Variants in GPR39 observed in about 807,000 individuals in gnomAD.
GPR39 encodes the protein zinc sensing receptor.
A neutral mutation model predicts 18.4 loss-of-function variants in GPR39; 23 were observed. The ratio of observed to expected loss-of-function variants is 1.25; its 90% confidence interval spans 0.90 to 1.77. The LOEUF (loss-of-function observed/expected upper bound fraction) is 1.77, where lower values mean the gene tolerates loss of function less well. GPR39 is among the 40% of genes most tolerant of loss of function. The pLI, the probability that GPR39 is intolerant of heterozygous loss-of-function variation, is 0.00. For synonymous variants in GPR39, 280 were observed against 257.9 expected (o/e 1.09, Z -0.82); for missense variants, 647 against 602.4 (o/e 1.07, Z -0.78).
chr2:132,420,280 A>G (rs957537160), intron 1 of GPR39, among the ~76,000 whole-genome samples: 2 of 152,206 alleles, frequency 1.3e-5, no homozygotes, highest in African/African-American at 2.4e-5. Context: ...AGTTCTCGCA[A>G]ATGTCCTCCT....
At chr2:132,506,733 A>G (rs1679141559) in intron 1 of GPR39, among the ~76,000 whole-genome samples, 2 of 151,992 alleles carry the variant, frequency 1.3e-5, no homozygotes, top group Non-Finnish European at 2.9e-5. Context: ...TTATCTAATT[A>G]CCTCCCACCA....
At chr2:132,534,231 T>C in intron 1 of GPR39, among the ~76,000 whole-genome samples, 1 of 151,942 alleles carries the variant, frequency 6.6e-6, no homozygotes, top group South Asian at 2.1e-4. Context: ...AAAAAACACA[T>C]GAAAAAATGT....
chr2:132,492,822 ATATAC>A (rs1445465398), intron 1 of GPR39, among the ~76,000 whole-genome samples: 708 of 142,332 alleles, frequency 5.0e-3, no homozygotes, highest in African/African-American at 0.011. Context: ...CATACCATAT[ATATAC>A]CATATACACA....
intron 1 of GPR39, among the ~76,000 whole-genome samples, chr2:132,583,280 T>C (rs948734689): frequency 2.6e-5 from 4 of 151,836 alleles, no homozygotes; most frequent in South Asian, 2.1e-4. Flanking sequence ...TACTGTAAAA[T>C]ATATCCCTTA....
chr2:132,516,111 C>T (rs770466389), intron 1 of GPR39, among the ~76,000 whole-genome samples: 4 of 152,096 alleles, frequency 2.6e-5, no homozygotes, highest in Non-Finnish European at 4.4e-5. Context: ...CTGGCAAGCC[C>T]GTGAAGGCTG....
At chr2:132,627,566 C>T (rs956119452) in intron 1 of GPR39, among the ~76,000 whole-genome samples, 2 of 152,106 alleles carry the variant, frequency 1.3e-5, no homozygotes, top group Non-Finnish European at 2.9e-5. Flanking sequence ...ATTTTGCAAT[C>T]AATGAAAATG....
chr2:132,496,094 C>G (rs1432447774), intron 1 of GPR39, among the ~76,000 whole-genome samples: 1 of 152,188 alleles, frequency 6.6e-6, no homozygotes, highest in Non-Finnish European at 1.5e-5. Flanking sequence ...GGAAACCAGT[C>G]TCCCTTCCAG....
intron 1 of GPR39, among the ~76,000 whole-genome samples, chr2:132,431,701 T>C (rs1320532487): frequency 6.6e-6 from 1 of 152,118 alleles, no homozygotes; most frequent in Non-Finnish European, 1.5e-5. Flanking sequence ...GCATTGAGAA[T>C]ATGTGGAGGG....
In GPR39 at chr2:132,628,642, T is replaced by C. The variant is rs912879489; in HGVS notation, c.857-16459T>C. On this transcript the variant is annotated intron_variant, in intron 1 of 1. Coordinates refer to ENST00000329321, the MANE Select transcript of GPR39 (RefSeq NM_001508.3). ...TTAAGTTTGTAATCATTTTTCTAAG[T>C]ACCATTACCCTAGAAAACCATTTTC... Among the ~76,000 whole-genome samples, 42 of 152,322 alleles carry C rather than the reference T, an allele frequency of 2.8e-4. 1 individual carries two copies. Among genetic ancestry groups the C allele is most frequent in the Admixed American group, 2.5e-3 (38 of 15,306 alleles).
Position 132,531,221 on chromosome 2 carries a change from A to G in GPR39, c.856+113323A>G, listed in dbSNP as rs1679622852. On this transcript the variant is annotated intron_variant, in intron 1 of 1. Coordinates refer to ENST00000329321, the MANE Select transcript of GPR39 (RefSeq NM_001508.3). ...TTGCAATCCTAGTCTCAGATAAAACAGACTTTAAACCAACAAAGATCAAAA... is the reference window on the plus strand; with the variant it reads ...TTGCAATCCTAGTCTCAGATAAAACGGACTTTAAACCAACAAAGATCAAAA... 2.0e-5 allele frequency among the ~76,000 whole-genome samples: 3 copies of G among 152,348 alleles called. No homozygotes were observed. In the South Asian group the frequency reaches 6.2e-4, roughly 32 times the overall value.
chr2:132,449,944 A>C (rs1286498191), intron 1 of GPR39, among the ~76,000 whole-genome samples: 2 of 152,132 alleles, frequency 1.3e-5, no homozygotes, highest in East Asian at 3.9e-4. Context: ...AGGCCCTTCA[A>C]AATCTTTTGG....
intron 1 of GPR39, among the ~76,000 whole-genome samples, chr2:132,428,374 C>CA (rs1306602554): frequency 6.6e-6 from 1 of 152,198 alleles, no homozygotes. Flanking sequence ...ATTGGGACAT[C>CA]AAAGTATAAG....
At chr2:132,637,920 G>A (rs1016264405) in intron 1 of GPR39, among the ~76,000 whole-genome samples, 1 of 152,210 alleles carries the variant, frequency 6.6e-6, no homozygotes, top group African/African-American at 2.4e-5. Flanking sequence ...TAAATAATGG[G>A]AAGGGAGAGG....
intron 1 of GPR39, among the ~76,000 whole-genome samples, chr2:132,513,163 A>G (rs1679269953): frequency 6.6e-6 from 1 of 152,176 alleles, no homozygotes; most frequent in African/African-American, 2.4e-5. Context: ...AGGAGTGACC[A>G]TTCCAAAAGT....
chr2:132,420,082 TTGC>T (rs1340852498), intron 1 of GPR39, among the ~76,000 whole-genome samples: 1 of 152,236 alleles, frequency 6.6e-6, no homozygotes, highest in African/African-American at 2.4e-5. Context: ...GAGTTTGTTC[TTGC>T]TGCTGCTCTC....
At chr2:132,533,729 A>AAAGC (rs1679687592) in intron 1 of GPR39, among the ~76,000 whole-genome samples, 1 of 149,634 alleles carries the variant, frequency 6.7e-6, no homozygotes, top group Non-Finnish European at 1.5e-5. Flanking sequence ...AAACCTGAGA[A>AAAGC]AAGCAATGGG....
chr2:132,570,359 C>G (rs1172523906), intron 1 of GPR39, among the ~76,000 whole-genome samples: 1 of 152,124 alleles, frequency 6.6e-6, no homozygotes, highest in Non-Finnish European at 1.5e-5. Context: ...TCACATCCCC[C>G]TCCAGCCGCA....
chr2:132,491,082 G>C (rs951919587), intron 1 of GPR39, among the ~76,000 whole-genome samples: 1 of 152,056 alleles, frequency 6.6e-6, no homozygotes, highest in Non-Finnish European at 1.5e-5. Flanking sequence ...TTTTCTCACT[G>C]AACTGAGCAC....
At chr2:132,625,598 T>C (rs1681528568) in intron 1 of GPR39, among the ~76,000 whole-genome samples, 1 of 152,196 alleles carries the variant, frequency 6.6e-6, no homozygotes, top group Non-Finnish European at 1.5e-5. Context: ...GGAAATGCCA[T>C]GTTTTCAGTA....
Sources: gnomAD v4.1 joint callset for allele counts (sites outside exome capture counted in the v4.1 genomes callset) on GRCh38, gnomAD v4.1.1 for gene constraint, MANE v1.5 for transcripts, NCBI Gene and HGNC (gene_info 2026-07-23, HGNC 2026-07-21) for gene names.